The following PTBP2 variants were observed in gnomAD, a reference collection of about 807,000 sequenced individuals.
The protein encoded by PTBP2 is polypyrimidine tract-binding protein 2.
A neutral mutation model predicts 61.4 loss-of-function variants in PTBP2; 13 were observed. That is an observed-to-expected ratio of 0.21 (90% confidence interval 0.14 to 0.34). The LOEUF is 0.34. PTBP2 is among the 10% of genes least tolerant of loss of function. The pLI is 1.00. For synonymous variants in PTBP2, 215 were observed against 218.5 expected (o/e 0.98, Z 0.14); for missense variants, 405 against 642.6 (o/e 0.63, Z 4.00).
chr1:96,752,525 A>G (rs1312698400), intron 3 of PTBP2, among the ~76,000 whole-genome samples: 2 of 152,130 alleles, frequency 1.3e-5, no homozygotes, highest in African/African-American at 4.8e-5. Context: ...AAATTTGTCA[A>G]CAGGTCATTA....
chr1:96,781,504 C>T lies in PTBP2; in HGVS notation c.709-3555C>T, dbSNP rs541715752. On this transcript the variant is annotated intron_variant, in intron 7 of 13. Coordinates refer to ENST00000674951, the MANE Select transcript of PTBP2 (RefSeq NM_021190.4). Reference sequence around the variant, plus strand: ...GCATATACTGTATTTTCTCTGATGTCTCGATCTTACAGATTGCTGTTCCAT... The same window carrying T: ...GCATATACTGTATTTTCTCTGATGTTTCGATCTTACAGATTGCTGTTCCAT... Among the ~76,000 whole-genome samples the T allele has an allele frequency of 5.9e-5, 9 of 151,886 alleles. No individual in the cohort carries two copies. In the South Asian group the frequency reaches 1.9e-3, roughly 31 times the overall value.
At chr1:96,731,388 A>ATTTATATT (rs2100808160) in intron 2 of PTBP2, among the ~76,000 whole-genome samples, 1 of 152,172 alleles carries the variant, frequency 6.6e-6, no homozygotes, top group Admixed American at 6.5e-5. Flanking sequence ...TTATTTTGTA[A>ATTTATATT]TTTATATTTT....
At position 96,812,926 on chromosome 1, in the gene PTBP2, C is replaced by G; in HGVS notation, c.1386C>G (p.Ile462Met). The change falls in exon 12 of 14, where the codon ATC (isoleucine) becomes ATG (methionine). Residue 462 changes from isoleucine (I) to methionine (M), a missense_variant and splice_region_variant. Transcript: ENST00000674951. ...PPSATLHLSNIPPSVAEEDLR... is the reference protein window; with the variant it reads ...PPSATLHLSNMPPSVAEEDLR... ...CTGCCACCCTTCACCTATCTAATATCCCGTAAGTATATAAGCTAGAGTGTA... is the reference window on the plus strand; with the variant it reads ...CTGCCACCCTTCACCTATCTAATATGCCGTAAGTATATAAGCTAGAGTGTA... 1 of 1,607,086 alleles carries G rather than the reference C, an allele frequency of 6.2e-7. No homozygotes were observed. Among genetic ancestry groups the G allele is most frequent in the African/African-American group, 1.3e-5 (1 of 74,852 alleles).
chr1:96,798,828 A>G (rs78360626), intron 8 of PTBP2, among the ~76,000 whole-genome samples: 1,748 of 152,338 alleles, frequency 0.011, 38 homozygotes, highest in African/African-American at 0.04. Flanking sequence ...TCCAGGTTAT[A>G]TAAGAACTCT....
At chr1:96,760,075 A>G (rs1436197526) in intron 3 of PTBP2, among the ~76,000 whole-genome samples, 3 of 152,120 alleles carry the variant, frequency 2.0e-5, no homozygotes, top group Non-Finnish European at 2.9e-5. Flanking sequence ...AACTCCCACC[A>G]GGTCCCTCCC....
intron 2 of PTBP2, among the ~76,000 whole-genome samples, chr1:96,738,325 G>A (rs1185777154): frequency 6.6e-6 from 1 of 151,912 alleles, no homozygotes; most frequent in African/African-American, 2.4e-5. Flanking sequence ...ATGGAGTCTC[G>A]CTCTGTTGCC....
At chr1:96,723,732 T>C in intron 2 of PTBP2, 138 bp downstream of exon 2, 2 of 683,116 alleles carry the variant, frequency 2.9e-6, no homozygotes, top group Middle Eastern at 3.6e-4. Context: ...ATTTGTAAAG[T>C]TGGACCATAT....
intron 7 of PTBP2, among the ~76,000 whole-genome samples, chr1:96,781,017 G>C (rs1168882086): frequency 6.6e-6 from 1 of 151,918 alleles, no homozygotes; most frequent in Admixed American, 6.6e-5. Flanking sequence ...GTCTAAGCCA[G>C]TGTTATTCAA....
intron 7 of PTBP2, 96 bp from the exon 8 acceptor site, chr1:96,784,963 C>A: frequency 9.8e-7 from 1 of 1,017,870 alleles, no homozygotes; most frequent in Non-Finnish European, 1.4e-6. Context: ...CTTTTAAGTT[C>A]GAGTTTTTGT....
intron 5 of PTBP2, 80 bp from the exon 6 acceptor site, chr1:96,777,505 A>G (rs1658171033): frequency 1.6e-6 from 2 of 1,265,006 alleles, no homozygotes; most frequent in Non-Finnish European, 2.1e-6. Flanking sequence ...CTAGGAACAA[A>G]GTGAACTAGT....
intron 7 of PTBP2, among the ~76,000 whole-genome samples, chr1:96,784,055 C>T (rs773990453): frequency 1.4e-4 from 21 of 152,000 alleles, no homozygotes; most frequent in Admixed American, 2.6e-4. Context: ...GAATTAAAAG[C>T]TTTATATACT....
intron 3 of PTBP2, among the ~76,000 whole-genome samples, chr1:96,763,920 T>C (rs1656352245): frequency 6.6e-6 from 1 of 152,222 alleles, no homozygotes; most frequent in African/African-American, 2.4e-5. Flanking sequence ...AATTGGTGAT[T>C]ATATTTGCCT....
rs189573422 is a variant in PTBP2, at chr1:96,783,398, A to T, written c.709-1661A>T. ...TTTGTTTTTAATGTTCAGAGGGAAA[A>T]TTTCAAAGGGTCCTGGAGGGCTTTC... On this transcript the variant is annotated intron_variant, in intron 7 of 13. Coordinates refer to ENST00000674951, the MANE Select transcript of PTBP2 (RefSeq NM_021190.4). 5.9e-5 allele frequency among the ~76,000 whole-genome samples: 9 copies of T among 152,024 alleles called. No individual in the cohort carries two copies. The East Asian group carries it at 1.7e-3, about 29-fold the overall frequency.
chr1:96,817,436 T>C (rs1379661875), downstream of PTBP2: 1 of 152,126 alleles, frequency 6.6e-6, no homozygotes, highest in Non-Finnish European at 1.5e-5. Flanking sequence ...TTATAGTTAT[T>C]CTTTGTTATT....
chr1:96,801,522 C>T (rs1294750134), intron 8 of PTBP2, among the ~76,000 whole-genome samples: 3 of 152,076 alleles, frequency 2.0e-5, no homozygotes, highest in Non-Finnish European at 4.4e-5. Flanking sequence ...ACAGTGGTAA[C>T]TGAAGGCTAA....
intron 1 of PTBP2, among the ~76,000 whole-genome samples, chr1:96,722,321 G>C (rs1419482645): frequency 6.6e-6 from 1 of 152,118 alleles, no homozygotes; most frequent in Non-Finnish European, 1.5e-5. Flanking sequence ...GAAGAGGAGA[G>C]AGGCACCCCA....
Position 96,780,501 on chromosome 1 carries a change from A to G in PTBP2, c.708+2555A>G, listed in dbSNP as rs75431656. On this transcript the variant is annotated intron_variant, in intron 7 of 13. Transcript: ENST00000674951. ...CCTCAGCGTCACCAGCGATTAGTAG[A>G]GTAGCTAAATGCTAGTGATATGATT... Among the ~76,000 whole-genome samples, 1,046 of 152,216 alleles carry G rather than the reference A, an allele frequency of 6.9e-3. 15 individuals carry two copies. The highest frequency in any genetic ancestry group is 0.024 in the African/African-American group (982 of 41,550).
chr1:96,773,920 G>A (rs1157815778), intron 5 of PTBP2, among the ~76,000 whole-genome samples: 14 of 145,180 alleles, frequency 9.6e-5, no homozygotes, highest in South Asian at 8.9e-4. Flanking sequence ...CCGAGATCGC[G>A]CCACTGCACT....
At chr1:96,753,300 C>T (rs1025786605) in intron 3 of PTBP2, among the ~76,000 whole-genome samples, 6 of 151,966 alleles carry the variant, frequency 3.9e-5, no homozygotes, top group Non-Finnish European at 8.8e-5. Context: ...TCAAACACTC[C>T]ATTTAGACTA....
Sources: gnomAD v4.1 joint callset for allele counts (sites outside exome capture counted in the v4.1 genomes callset) on GRCh38, gnomAD v4.1.1 for gene constraint, MANE v1.5 for transcripts, NCBI Gene and HGNC (gene_info 2026-07-23, HGNC 2026-07-21) for gene names.